LOC122455342: variants seen among roughly 807,000 people sequenced by gnomAD.
the LOC122455342 span, chr17:76,569,220 C>T: frequency 2.9e-6 from 1 of 349,884 alleles, no homozygotes. Context: ...AGGGGGGCTC[C>T]TTCAGAAAGC....
the LOC122455342 span, chr17:76,568,887 G>T: frequency 1.6e-6 from 2 of 1,260,234 alleles, no homozygotes; most frequent in Non-Finnish European, 2.3e-6. Context: ...CGGAGTAGCC[G>T]CGGTACCCTG....
the LOC122455342 span, chr17:76,568,989 C>T: frequency 3.4e-6 from 2 of 585,684 alleles, no homozygotes; most frequent in Non-Finnish European, 6.0e-6. Flanking sequence ...GCTTCCCGCT[C>T]ACCAGGACCT....
chr17:76,569,003 C>CGGG, the LOC122455342 span: 1 of 460,808 alleles, frequency 2.2e-6, no homozygotes, highest in Non-Finnish European at 3.8e-6. Flanking sequence ...AGGACCTCCA[C>CGGG]GGGCGGGGTG....
At chr17:76,568,909 C>CA in the LOC122455342 span, 7 of 975,390 alleles carry the variant, frequency 7.2e-6, no homozygotes, top group South Asian at 9.4e-5. Context: ...GCGGTAGGAG[C>CA]GGGGCTGGGA....
chr17:76,568,886 C>T, the LOC122455342 span: 40 of 1,280,628 alleles, frequency 3.1e-5, no homozygotes, highest in Admixed American at 1.9e-4. Flanking sequence ...CCGGAGTAGC[C>T]GCGGTACCCT....
chr17:76,568,969 A>G, the LOC122455342 span: 7 of 560,638 alleles, frequency 1.2e-5, no homozygotes, highest in Non-Finnish European at 2.2e-5. Context: ...TACGTTGGGG[A>G]CCACGTGCGG....
At chr17:76,568,903 T>C in the LOC122455342 span, 2 of 1,049,004 alleles carry the variant, frequency 1.9e-6, no homozygotes, top group Non-Finnish European at 2.9e-6. Context: ...CCCTGAGCGG[T>C]AGGAGCGGGG....
the LOC122455342 span, chr17:76,569,046 G>T: frequency 3.8e-6 from 1 of 264,804 alleles, no homozygotes; most frequent in Non-Finnish European, 6.5e-6. Context: ...TGAACAGACC[G>T]GGGGGAGTTG....
the LOC122455342 span, chr17:76,569,339 GGGAA>G: frequency 2.5e-6 from 1 of 394,016 alleles, no homozygotes; most frequent in African/African-American, 2.1e-5. Flanking sequence ...GCGGGGGTTA[GGGAA>G]GGGTTTCGAG....
the LOC122455342 span, chr17:76,569,084 G>A: frequency 1.9e-4 from 28 of 151,152 alleles, no homozygotes; most frequent in Non-Finnish European, 2.7e-4. Flanking sequence ...TGGGGGTGGT[G>A]GGGGGGCGGG....
chr17:76,568,901 G>C, the LOC122455342 span: 1 of 1,047,792 alleles, frequency 9.5e-7, no homozygotes. Flanking sequence ...TACCCTGAGC[G>C]GTAGGAGCGG....
At chr17:76,568,959 T>C in the LOC122455342 span, 120,109 of 629,796 alleles carry the variant, frequency 0.19, 12,561 homozygotes, top group South Asian at 0.27. Flanking sequence ...TGGCAGGCAG[T>C]ACGTTGGGGA....
At chr17:76,568,979 G>GAT in the LOC122455342 span, 1 of 587,998 alleles carries the variant, frequency 1.7e-6, no homozygotes, top group South Asian at 2.0e-5. Context: ...ACCACGTGCG[G>GAT]CTTCCCGCTC....
At chr17:76,569,447 T>G in the LOC122455342 span, 1 of 210,544 alleles carries the variant, frequency 4.7e-6, no homozygotes, top group Non-Finnish European at 8.7e-6. Context: ...ACCTGAGGAC[T>G]GGGGTTCAGG....
At chr17:76,569,350 C>T in the LOC122455342 span, 24 of 366,058 alleles carry the variant, frequency 6.6e-5, no homozygotes, top group East Asian at 4.4e-4. Context: ...GGAAGGGTTT[C>T]GAGAGAGGGA....
the LOC122455342 span, chr17:76,568,891 T>G: frequency 1.7e-4 from 198 of 1,144,050 alleles, no homozygotes; most frequent in Non-Finnish European, 2.3e-4. Flanking sequence ...GTAGCCGCGG[T>G]ACCCTGAGCG....
At chr17:76,568,835 C>T in the LOC122455342 span, 343 of 1,603,720 alleles carry the variant, frequency 2.1e-4, 2 homozygotes, top group South Asian at 1.7e-3. Context: ...CGCCCAGAGC[C>T]GTCGTATTGC....
At chr17:76,569,502 G>C in the LOC122455342 span, 1 of 196,344 alleles carries the variant, frequency 5.1e-6, no homozygotes. Context: ...GGGTGGGAGG[G>C]TGGGAGGGGG....
chr17:76,568,887 G>A, the LOC122455342 span: 614 of 1,260,230 alleles, frequency 4.9e-4, 13 homozygotes, highest in South Asian at 6.4e-3. Flanking sequence ...CGGAGTAGCC[G>A]CGGTACCCTG....
Sources: allele counts gnomAD v4.1 joint callset, GRCh38; gene constraint gnomAD v4.1.1; transcripts MANE v1.5.